TENM3: variants seen among roughly 807,000 people sequenced by gnomAD.
The protein encoded by TENM3 is teneurin-3.
TENM3 carries 63 observed loss-of-function variants against 255.1 expected under a neutral mutation model. That is an observed-to-expected ratio of 0.25 (90% CI 0.20 to 0.30). The LOEUF is 0.30. Ranked by LOEUF, TENM3 falls within the 10% of genes least tolerant of loss-of-function variation. TENM3 has a pLI of 1.00. For synonymous variants in TENM3, 1,306 were observed against 1,322.3 expected, an observed-to-expected ratio of 0.99 and a Z score of 0.27; for missense variants, 2,929 against 3,461.1, an observed-to-expected ratio of 0.85 and a Z score of 3.86.
At chr4:181,834,070 T>C in the TENM3 span, among the ~76,000 whole-genome samples, 11 of 150,886 alleles carry the variant, frequency 7.3e-5, no homozygotes, top group South Asian at 8.4e-4. Context: ...GATTCATACA[T>C]GCAGCAGGAG....
chr4:182,111,233 C>T, the TENM3 span, among the ~76,000 whole-genome samples: 2 of 126,256 alleles, frequency 1.6e-5, no homozygotes, highest in African/African-American at 6.3e-5. Context: ...TCTTTCAGAG[C>T]CAATTCAGTC....
At chr4:182,386,946 C>A (rs558478347) in intron 3 of TENM3, among the ~76,000 whole-genome samples, 1 of 152,236 alleles carries the variant, frequency 6.6e-6, no homozygotes, top group Non-Finnish European at 1.5e-5. Context: ...GCACATGGCG[C>A]GGGGCTGGCA....
At chr4:182,079,782 A>T in the TENM3 span, 1 of 152,328 alleles carries the variant, frequency 6.6e-6, no homozygotes. Context: ...CCCAGGTGGG[A>T]GAATTTCGTT....
chr4:182,307,288 G>A (rs1762190179), intron 1 of TENM3, among the ~76,000 whole-genome samples: 1 of 152,194 alleles, frequency 6.6e-6, no homozygotes, highest in Admixed American at 6.5e-5. Context: ...GTTCATGGGT[G>A]ACAGGTGTCC....
Position 182,800,134 on chromosome 4 carries a change from C to G in TENM3, c.7883C>G (p.Ala2628Gly). Residue 2628 changes from alanine (A) to glycine (G), a missense_variant, in exon 28 of 28, where the codon GCG becomes GGG. Coordinates refer to ENST00000511685, the MANE Select transcript of TENM3 (RefSeq NM_001080477.4). Reference protein sequence around the residue: ...ARILEQARQRALARAWAREQQ... With the variant: ...ARILEQARQRGLARAWAREQQ... ...ATCCTGGAGCAGGCGCGGCAGCGCG[C>G]GCTCGCCCGGGCCTGGGCGCGCGAG... The G allele has an allele frequency of 4.1e-6, 6 of 1,462,432 alleles. No homozygotes were observed. The highest frequency in any genetic ancestry group is 5.4e-6 in the Non-Finnish European group (6 of 1,116,450). 90.6% of individuals were successfully genotyped at this position (1,462,432 alleles called of 1,614,324 possible).
the TENM3 span, among the ~76,000 whole-genome samples, chr4:181,522,049 C>T: frequency 2.3e-5 from 3 of 132,938 alleles, no homozygotes; most frequent in South Asian, 2.4e-4. Context: ...TGCAGTGAGC[C>T]GAGATCACGT....
the TENM3 span, among the ~76,000 whole-genome samples, chr4:182,050,001 AT>A: frequency 1.3e-5 from 2 of 150,620 alleles, no homozygotes; most frequent in African/African-American, 4.9e-5. Context: ...TTAAAAAAAA[AT>A]TTTTTTTTGA....
At chr4:181,479,186 G>C in the TENM3 span, among the ~76,000 whole-genome samples, 2 of 152,164 alleles carry the variant, frequency 1.3e-5, no homozygotes, top group Non-Finnish European at 2.9e-5. Context: ...ATTTTAAACA[G>C]TGATATTTGC....
At chr4:182,093,854 T>C in the TENM3 span, among the ~76,000 whole-genome samples, 1 of 152,128 alleles carries the variant, frequency 6.6e-6, no homozygotes, top group Non-Finnish European at 1.5e-5. Context: ...CAGGAAACCA[T>C]GAAAGATTTC....
the TENM3 span, among the ~76,000 whole-genome samples, chr4:181,876,674 C>T: frequency 1.3e-5 from 2 of 151,924 alleles, no homozygotes; most frequent in Non-Finnish European, 2.9e-5. Flanking sequence ...CATCAGCTGC[C>T]GGAAGGAAGT....
intron 1 of TENM3, among the ~76,000 whole-genome samples, chr4:182,179,748 G>T (rs1257103100): frequency 1.3e-5 from 2 of 152,140 alleles, no homozygotes; most frequent in Non-Finnish European, 2.9e-5. Context: ...TGTGAAACAG[G>T]AAGTTTTTCA....
intron 1 of TENM3, among the ~76,000 whole-genome samples, chr4:182,247,440 A>G (rs1474353500): frequency 6.6e-6 from 1 of 152,222 alleles, no homozygotes; most frequent in Admixed American, 6.5e-5. Flanking sequence ...TGGCTAAGGC[A>G]GAACTCACCC....
At chr4:182,276,675 C>A (rs1296408268) in intron 1 of TENM3, among the ~76,000 whole-genome samples, 1 of 152,122 alleles carries the variant, frequency 6.6e-6, no homozygotes, top group African/African-American at 2.4e-5. Flanking sequence ...ATGTTATTTG[C>A]CTAGAGGAAA....
the TENM3 span, among the ~76,000 whole-genome samples, chr4:181,825,367 C>T: frequency 0.37 from 49,747 of 133,940 alleles, 9,159 homozygotes; most frequent in South Asian, 0.46. Flanking sequence ...CACCATTGCA[C>T]TTCAGCCTGG....
intron 3 of TENM3, among the ~76,000 whole-genome samples, chr4:182,422,523 G>A (rs115794438): frequency 1.2e-4 from 18 of 152,270 alleles, no homozygotes; most frequent in African/African-American, 4.3e-4. Flanking sequence ...TGCAAATTAT[G>A]AAGTGTAAAT....
intron 1 of TENM3, among the ~76,000 whole-genome samples, chr4:182,315,570 G>T (rs1158359731): frequency 6.6e-6 from 1 of 152,074 alleles, no homozygotes; most frequent in Non-Finnish European, 1.5e-5. Context: ...CCCTGGTGTA[G>T]TTTTGTTCAC....
intron 1 of TENM3, among the ~76,000 whole-genome samples, chr4:182,231,819 C>G (rs140009255): frequency 3.0e-4 from 45 of 152,280 alleles, no homozygotes; most frequent in Non-Finnish European, 4.7e-4. Flanking sequence ...CCAGCAGACT[C>G]CCAAAGAATT....
At chr4:181,647,005 G>T in the TENM3 span, among the ~76,000 whole-genome samples, 1 of 152,188 alleles carries the variant, frequency 6.6e-6, no homozygotes, top group Non-Finnish European at 1.5e-5. Context: ...CGTCAGGAAA[G>T]ATCATGAGTA....
At chr4:181,663,413 C>T in the TENM3 span, among the ~76,000 whole-genome samples, 40 of 152,072 alleles carry the variant, frequency 2.6e-4, no homozygotes, top group African/African-American at 7.5e-4. Context: ...TCTAATGTTA[C>T]GGTTTTTAAA....
Sources: gnomAD v4.1 joint callset for allele counts (sites outside exome capture counted in the v4.1 genomes callset) on GRCh38, gnomAD v4.1.1 for gene constraint, MANE v1.5 for transcripts, NCBI Gene and HGNC (gene_info 2026-07-23, HGNC 2026-07-21) for gene names.